ADAMTSL1: variants seen among roughly 807,000 people sequenced by gnomAD.
ADAMTSL1 encodes ADAMTS-like protein 1.
A neutral mutation model predicts 201.8 loss-of-function variants in ADAMTSL1; 126 were observed. The ratio of observed to expected loss-of-function variants is 0.62; its 90% confidence interval spans 0.54 to 0.72. The LOEUF (loss-of-function observed/expected upper bound fraction) is 0.72, where lower values mean the gene tolerates loss of function less well. ADAMTSL1 is among the 30% of genes least tolerant of loss of function. ADAMTSL1 has a pLI of 0.00. For missense variants in ADAMTSL1, 2,679 were observed against 2,277.8 expected, an observed-to-expected ratio of 1.18 and a Z score of -3.59; for synonymous variants, 1,121 against 903.4, an observed-to-expected ratio of 1.24 and a Z score of -4.32.
At chr9:18,225,050 A>T (rs1227943698) in intron 2 of ADAMTSL1, among the ~76,000 whole-genome samples, 1 of 152,160 alleles carries the variant, frequency 6.6e-6, no homozygotes, top group Non-Finnish European at 1.5e-5. Context: ...CCTGCTTCTT[A>T]ATTACTCTGG....
intron 2 of ADAMTSL1, among the ~76,000 whole-genome samples, chr9:18,169,805 C>T (rs1448299298): frequency 1.3e-5 from 2 of 152,048 alleles, no homozygotes; most frequent in Non-Finnish European, 2.9e-5. Flanking sequence ...TTTCATTGAG[C>T]AGTGGTTTGT....
chr9:18,593,289 T>C (rs898316162), intron 4 of ADAMTSL1, among the ~76,000 whole-genome samples: 3 of 152,180 alleles, frequency 2.0e-5, no homozygotes, highest in African/African-American at 7.2e-5. Flanking sequence ...CCTTGTTGTG[T>C]TTCATATATT....
At chr9:18,757,982 T>C (rs1260393626) in intron 16 of ADAMTSL1, among the ~76,000 whole-genome samples, 6 of 152,238 alleles carry the variant, frequency 3.9e-5, no homozygotes. Flanking sequence ...ATATTTAACT[T>C]ACTTAATCCT....
At chr9:18,451,179 G>A (rs148103973) in intron 2 of ADAMTSL1, among the ~76,000 whole-genome samples, 3 of 152,124 alleles carry the variant, frequency 2.0e-5, no homozygotes, top group African/African-American at 4.8e-5. Flanking sequence ...TTTTATCAAA[G>A]CTGAGAATAT....
chr9:18,809,619 G>A (rs375885506), intron 20 of ADAMTSL1, among the ~76,000 whole-genome samples: 8 of 152,140 alleles, frequency 5.3e-5, no homozygotes, highest in East Asian at 3.9e-4. Context: ...GTGAAACTCC[G>A]TTTCTATTAA....
At position 17,941,556 on chromosome 9, in the gene ADAMTSL1, T is replaced by C. The variant is rs187742533; in HGVS notation, c.87+34634T>C. ...CCTGTGTAATACAGTCTCTACCATTTATCCTATAAATTGACTCTCCTGTGT... is the reference window on the plus strand; with the variant it reads ...CCTGTGTAATACAGTCTCTACCATTCATCCTATAAATTGACTCTCCTGTGT... On this transcript the variant is annotated intron_variant, in intron 1 of 29. Coordinates refer to the ADAMTSL1 transcript ENST00000680146. 2.6e-3 allele frequency among the ~76,000 whole-genome samples: 395 copies of C among 152,306 alleles called. 7 individuals carry two copies. Among genetic ancestry groups the C allele is most frequent in the Admixed American group, 0.022 (332 of 15,290 alleles).
At chr9:18,755,851 T>G (rs1041244457) in intron 16 of ADAMTSL1, among the ~76,000 whole-genome samples, 4 of 152,148 alleles carry the variant, frequency 2.6e-5, no homozygotes, top group African/African-American at 9.6e-5. Context: ...AGTAAACAAC[T>G]GTTTGAAGTT....
At chr9:17,931,314 C>T (rs1033136837) in intron 1 of ADAMTSL1, among the ~76,000 whole-genome samples, 1 of 152,188 alleles carries the variant, frequency 6.6e-6, no homozygotes, top group East Asian at 1.9e-4. Flanking sequence ...CGTTCCTTAG[C>T]AGAAAGAAAG....
At chr9:18,869,650 C>CACTATCTCCAA (rs1827765659) in intron 23 of ADAMTSL1, among the ~76,000 whole-genome samples, 1 of 152,188 alleles carries the variant, frequency 6.6e-6, no homozygotes, top group Non-Finnish European at 1.5e-5. Flanking sequence ...CCATTATCTC[C>CACTATCTCCAA]TGGTTTCCTT....
intron 7 of ADAMTSL1, among the ~76,000 whole-genome samples, chr9:18,655,300 C>G (rs1055985788): frequency 2.6e-5 from 4 of 152,100 alleles, no homozygotes; most frequent in South Asian, 2.1e-4. Flanking sequence ...ACAGTGCAGT[C>G]AATTGCTATG....
chr9:18,076,469 A>C (rs1458822282), intron 1 of ADAMTSL1, among the ~76,000 whole-genome samples: 2 of 152,224 alleles, frequency 1.3e-5, no homozygotes, highest in African/African-American at 4.8e-5. Context: ...GCTGTGGCAG[A>C]AATGATAAGG....
intron 1 of ADAMTSL1, among the ~76,000 whole-genome samples, chr9:18,149,184 G>A (rs182160571): frequency 7.2e-5 from 11 of 152,074 alleles, no homozygotes; most frequent in Admixed American, 2.0e-4. Flanking sequence ...TAGTGAGCTC[G>A]TCATCGGGCA....
chr9:18,600,870 A>T (rs953396831), intron 4 of ADAMTSL1, among the ~76,000 whole-genome samples: 3 of 152,192 alleles, frequency 2.0e-5, no homozygotes, highest in Non-Finnish European at 4.4e-5. Context: ...TAAATTTCTT[A>T]TTCTTGGAAC....
rs372550892 is a variant in ADAMTSL1 at position 18,494,911 on chromosome 9, G to A, written c.64-9918G>A. Among the ~76,000 whole-genome samples, 425 of 152,262 alleles carry A rather than the reference G, an allele frequency of 2.8e-3. 4 individuals carry two copies. The highest frequency in any genetic ancestry group is 0.014 in the South Asian group (68 of 4,818). On this transcript the variant is annotated intron_variant, in intron 1 of 28. Coordinates refer to ENST00000380548, the MANE Select transcript of ADAMTSL1 (RefSeq NM_001040272.6). Reference sequence around the variant, plus strand: ...CTCCTAGCAAGGAGTGAACAGTTGAGCTTTGTATTCTAGCAAGATAACTGG... The same window carrying A: ...CTCCTAGCAAGGAGTGAACAGTTGAACTTTGTATTCTAGCAAGATAACTGG...
At chr9:18,723,111 G>A (rs1817647635) in intron 15 of ADAMTSL1, 2 of 769,906 alleles carry the variant, frequency 2.6e-6, no homozygotes, top group Non-Finnish European at 4.8e-6. Flanking sequence ...AACTAGCTCT[G>A]TGGCCTAGGG....
intron 26 of ADAMTSL1, among the ~76,000 whole-genome samples, chr9:18,897,102 C>G (rs1374892746): frequency 6.6e-6 from 1 of 152,218 alleles, no homozygotes; most frequent in Non-Finnish European, 1.5e-5. Flanking sequence ...CCTCACAACA[C>G]ACCTGCTGTG....
chr9:18,473,956 C>T (rs994919919), upstream of ADAMTSL1: 9 of 405,688 alleles, frequency 2.2e-5, no homozygotes, highest in Admixed American at 4.3e-5. Context: ...CTTTTTTGCT[C>T]GCACCGTTAC....
chr9:18,409,383 C>CAAAAAAAAAAAA (rs781106126), intron 2 of ADAMTSL1, among the ~76,000 whole-genome samples: 7 of 77,158 alleles, frequency 9.1e-5, no homozygotes, highest in Non-Finnish European at 1.3e-4. Context: ...AACTCCGTCT[C>CAAAAAAAAAAAA]AAAAAAAAAA....
intron 19 of ADAMTSL1, among the ~76,000 whole-genome samples, chr9:18,790,319 C>T (rs1287556495): frequency 6.6e-6 from 1 of 152,110 alleles, no homozygotes; most frequent in African/African-American, 2.4e-5. Context: ...CTCTTGGTTC[C>T]AATTTGGGAA....
Sources: gnomAD v4.1 joint callset for allele counts (sites outside exome capture counted in the v4.1 genomes callset) on GRCh38, gnomAD v4.1.1 for gene constraint, MANE v1.5 for transcripts, NCBI Gene and HGNC (gene_info 2026-07-23, HGNC 2026-07-21) for gene names.